The following ARK2C variants were observed in gnomAD, a reference collection of about 807,000 sequenced individuals.
ARK2C encodes the protein E3 ubiquitin-protein ligase ARK2C.
the ARK2C span, among the ~76,000 whole-genome samples, chr18:46,345,978 A>G: frequency 6.6e-6 from 1 of 152,068 alleles, no homozygotes. Context: ...TCAGGATTGG[A>G]ACTCGGTTTC....
chr18:46,415,284 G>A, the ARK2C span, among the ~76,000 whole-genome samples: 1 of 152,192 alleles, frequency 6.6e-6, no homozygotes, highest in Non-Finnish European at 1.5e-5. Flanking sequence ...ACTTTGGGAG[G>A]CCGAGGTGGG....
chr18:46,411,499 G>C, the ARK2C span, among the ~76,000 whole-genome samples: 6 of 152,304 alleles, frequency 3.9e-5, no homozygotes, highest in African/African-American at 1.2e-4. Flanking sequence ...CTTTGCTATC[G>C]ATTGATTCAT....
chr18:46,374,512 G>A, the ARK2C span, among the ~76,000 whole-genome samples: 1 of 152,214 alleles, frequency 6.6e-6, no homozygotes, highest in African/African-American at 2.4e-5. Flanking sequence ...GAATCACACA[G>A]TGCTTGTCCT....
chr18:46,386,132 T>C, the ARK2C span: 1 of 152,206 alleles, frequency 6.6e-6, no homozygotes. Flanking sequence ...AGGGGCCATG[T>C]TCTCAGGGAA....
the ARK2C span, among the ~76,000 whole-genome samples, chr18:46,398,267 G>A: frequency 3.4e-4 from 52 of 151,500 alleles, no homozygotes; most frequent in African/African-American, 1.2e-3. Context: ...GGGTGTGTGT[G>A]CATGTGGTGT....
the ARK2C span, among the ~76,000 whole-genome samples, chr18:46,343,041 C>T: frequency 1.3e-5 from 2 of 152,220 alleles, no homozygotes; most frequent in Non-Finnish European, 2.9e-5. Flanking sequence ...TAATATTCCA[C>T]TTGAATAGTG....
the ARK2C span, among the ~76,000 whole-genome samples, chr18:46,357,848 G>A: frequency 1.3e-5 from 2 of 152,212 alleles, no homozygotes; most frequent in Non-Finnish European, 2.9e-5. Context: ...TGTCCGCGGG[G>A]CCAGCCGTCT....
chr18:46,433,288 C>G, the ARK2C span: 1 of 1,610,942 alleles, frequency 6.2e-7, no homozygotes, highest in African/African-American at 1.3e-5. Flanking sequence ...CGACTTCCCG[C>G]TGGCCCACCC....
the ARK2C span, among the ~76,000 whole-genome samples, chr18:46,406,286 C>T: frequency 6.6e-5 from 10 of 152,212 alleles, no homozygotes; most frequent in Admixed American, 6.5e-4. Context: ...GGACTGGATG[C>T]CCCGGGCAGG....
At chr18:46,369,330 G>A in the ARK2C span, among the ~76,000 whole-genome samples, 35 of 152,012 alleles carry the variant, frequency 2.3e-4, no homozygotes, top group African/African-American at 8.5e-4. Context: ...GGAGAAGCAG[G>A]GGGATAAGGC....
chr18:46,349,647 C>T, the ARK2C span, among the ~76,000 whole-genome samples: 1 of 152,330 alleles, frequency 6.6e-6, no homozygotes, highest in African/African-American at 2.4e-5. Flanking sequence ...GGCTCTTGGC[C>T]ACTGGGGGTG....
At chr18:46,394,159 G>C in the ARK2C span, among the ~76,000 whole-genome samples, 10 of 152,126 alleles carry the variant, frequency 6.6e-5, no homozygotes, top group African/African-American at 2.4e-4. Flanking sequence ...GAGACAGATG[G>C]GGTCCCCTGC....
the ARK2C span, among the ~76,000 whole-genome samples, chr18:46,399,456 C>T: frequency 1.3e-5 from 2 of 152,190 alleles, no homozygotes; most frequent in African/African-American, 4.8e-5. Context: ...GGCCTCGGCA[C>T]GTGACCTCCT....
the ARK2C span, chr18:46,337,698 C>T: frequency 5.0e-6 from 4 of 796,586 alleles, no homozygotes; most frequent in Non-Finnish European, 6.1e-6. Context: ...TTGTCGTATC[C>T]TGCTGTTTAG....
At chr18:46,430,675 G>A in the ARK2C span, among the ~76,000 whole-genome samples, 1 of 151,960 alleles carries the variant, frequency 6.6e-6, no homozygotes, top group South Asian at 2.1e-4. Context: ...TCCGGTTTCT[G>A]AGAGTCCCCA....
the ARK2C span, among the ~76,000 whole-genome samples, chr18:46,360,369 G>GCC: frequency 6.6e-6 from 1 of 152,332 alleles, no homozygotes; most frequent in Admixed American, 6.5e-5. Context: ...CCCCACAATG[G>GCC]TGCTCAAAAT....
chr18:46,376,509 C>T, the ARK2C span, among the ~76,000 whole-genome samples: 1 of 152,108 alleles, frequency 6.6e-6, no homozygotes, highest in Non-Finnish European at 1.5e-5. Context: ...TGGAAGATCC[C>T]CTGATGGGAC....
the ARK2C span, chr18:46,336,167 G>A: frequency 1.0e-6 from 1 of 985,302 alleles, no homozygotes. Flanking sequence ...CTCTTAAAAC[G>A]GGTGTGGAAC....
the ARK2C span, among the ~76,000 whole-genome samples, chr18:46,409,059 A>G: frequency 6.6e-6 from 1 of 152,088 alleles, no homozygotes; most frequent in Non-Finnish European, 1.5e-5. Context: ...TACACCATGG[A>G]GTTCTGAGGA....
Sources: gnomAD v4.1 joint callset for allele counts (sites outside exome capture counted in the v4.1 genomes callset) on GRCh38, gnomAD v4.1.1 for gene constraint, MANE v1.5 for transcripts, NCBI Gene and HGNC (gene_info 2026-07-23, HGNC 2026-07-21) for gene names.